EXTL3: variants seen among roughly 807,000 people sequenced by gnomAD.
EXTL3 encodes the protein exostosin like glycosyltransferase 3.
EXTL3 carries 27 observed loss-of-function variants against 69.3 expected under a neutral mutation model. That is an observed-to-expected ratio of 0.39 (90% CI 0.29 to 0.54). The LOEUF (loss-of-function observed/expected upper bound fraction) is 0.54, where lower values mean the gene tolerates loss of function less well. Among genes scored for constraint, EXTL3 ranks in the 20% least tolerant of loss-of-function variants. EXTL3 has a pLI of 0.69. For missense variants in EXTL3, 1,003 were observed against 1,231.8 expected (o/e 0.81, Z 2.78); for synonymous variants, 511 against 499.4 (o/e 1.02, Z -0.31).
At chr8:28,638,653 C>T (rs539021179) in intron 1 of EXTL3, among the ~76,000 whole-genome samples, 10 of 152,222 alleles carry the variant, frequency 6.6e-5, no homozygotes, top group South Asian at 2.1e-4. Flanking sequence ...TTTTTTGAGA[C>T]GGAGTTTTGC....
intron 1 of EXTL3, among the ~76,000 whole-genome samples, chr8:28,634,841 C>T (rs352413): frequency 0.3 from 44,960 of 151,940 alleles, 7,858 homozygotes; most frequent in East Asian, 0.38. Flanking sequence ...GTGATCCGCT[C>T]GCTTCGGCCT....
chr8:28,717,522 C>T lies in EXTL3; in HGVS notation c.1463C>T (p.Pro488Leu). 1 of 1,614,262 alleles carries T rather than the reference C, an allele frequency of 6.2e-7. No homozygotes were observed. The highest frequency in any genetic ancestry group is 8.5e-7 in the Non-Finnish European group (1 of 1,180,046). The change falls in exon 3 of 7, where the codon CCT becomes CTT. Residue 488 changes from proline (P) to leucine (L), a missense_variant. Pro to Leu is a moderately conservative substitution (Grantham distance 98). Coordinates refer to ENST00000220562, the MANE Select transcript of EXTL3 (RefSeq NM_001440.4). The surrounding 1 kb of genome is among the most constrained non-coding windows in gnomAD (Gnocchi z 8.3). ...WNEAALVVPK[P>L]RVTEVHFLLR... is the part of the protein sequence containing the mutation. ...GAGGCGGCCCTGGTGGTGCCAAAGC[C>T]TCGTGTTACCGAGGTTCATTTCCTG... is the stretch of plus-strand genomic sequence containing the variant.
chr8:28,742,832 G>A, intron 5 of EXTL3: 1 of 473,486 alleles, frequency 2.1e-6, no homozygotes, highest in African/African-American at 2.0e-5. Flanking sequence ...CAAAATCACT[G>A]CGGTACCAGG....
Position 28,752,932 on chromosome 8 carries a change from A to G in EXTL3, c.*2066A>G, listed in dbSNP as rs1802040305. ...CCGTCTGTGTGGTGGGACCCCCTTT[A>G]GCGGGACTCAGTGAGCTGGGGCCGT... On this transcript the variant is annotated 3_prime_UTR_variant, in exon 7 of 7. Coordinates refer to ENST00000220562, the MANE Select transcript of EXTL3 (RefSeq NM_001440.4). 1 of 152,658 alleles carries G rather than the reference A, an allele frequency of 6.6e-6. No individual in the cohort carries two copies. Among genetic ancestry groups the G allele is most frequent in the Admixed American group, 6.6e-5 (1 of 15,266 alleles). The allele number at this position is 152,658 out of a possible 1,614,324, so 9.5% of individuals were successfully genotyped here.
chr8:28,618,556 G>C (rs867010331), upstream of EXTL3, among the ~76,000 whole-genome samples: 1 of 152,128 alleles, frequency 6.6e-6, no homozygotes, highest in African/African-American at 2.4e-5. Context: ...CCTCACGTCC[G>C]GCACGAAAGA....
chr8:28,648,286 AT>A (rs1042331221), intron 1 of EXTL3, among the ~76,000 whole-genome samples: 1 of 151,478 alleles, frequency 6.6e-6, no homozygotes, highest in Non-Finnish European at 1.5e-5. Context: ...GTAATTTTGG[AT>A]TTTTTTTCCT....
chr8:28,639,917 A>G (rs1806716765), intron 1 of EXTL3, among the ~76,000 whole-genome samples: 1 of 152,208 alleles, frequency 6.6e-6, no homozygotes, highest in South Asian at 2.1e-4. Flanking sequence ...AGCCCAGCCA[A>G]CATGGCAAAA....
chr8:28,608,496 A>G (rs1426912397), intron 2 of EXTL3, among the ~76,000 whole-genome samples: 1 of 152,168 alleles, frequency 6.6e-6, no homozygotes, highest in Admixed American at 6.5e-5. Flanking sequence ...GATACAGTTA[A>G]CAAGATACAT....
chr8:28,626,256 A>G (rs1338182827), intron 1 of EXTL3, among the ~76,000 whole-genome samples: 2 of 152,088 alleles, frequency 1.3e-5, no homozygotes, highest in African/African-American at 2.4e-5. Context: ...GATATAGAAT[A>G]AGACTAAAGA....
intron 3 of EXTL3, among the ~76,000 whole-genome samples, chr8:28,719,652 G>A (rs1055509472): frequency 1.3e-5 from 2 of 152,034 alleles, no homozygotes; most frequent in African/African-American, 4.8e-5. Context: ...TTTGTAAATA[G>A]GGAATTTTTT....
At chr8:28,665,628 A>G (rs1441448986) in intron 1 of EXTL3, among the ~76,000 whole-genome samples, 1 of 151,858 alleles carries the variant, frequency 6.6e-6, no homozygotes, top group African/African-American at 2.4e-5. Context: ...CCCATGGCTC[A>G]AACTCCTGGG....
intron 1 of EXTL3, among the ~76,000 whole-genome samples, chr8:28,692,018 A>C (rs561013356): frequency 3.3e-5 from 5 of 152,220 alleles, no homozygotes; most frequent in African/African-American, 1.2e-4. Flanking sequence ...TGCTTTTAAA[A>C]AGCTTTCATA....
chr8:28,736,762 T>C (rs1253336924), intron 4 of EXTL3, among the ~76,000 whole-genome samples: 2 of 152,230 alleles, frequency 1.3e-5, no homozygotes, highest in East Asian at 3.8e-4. Flanking sequence ...TGAACTAATA[T>C]GTCATGCTTA....
At chr8:28,665,328 G>A (rs1015181027) in intron 1 of EXTL3, among the ~76,000 whole-genome samples, 15 of 151,568 alleles carry the variant, frequency 9.9e-5, no homozygotes, top group African/African-American at 3.6e-4. Context: ...ACCCACCTAG[G>A]CGTCCCAAAG....
At chr8:28,636,818 C>A (rs930148111) in intron 1 of EXTL3, among the ~76,000 whole-genome samples, 3 of 152,162 alleles carry the variant, frequency 2.0e-5, no homozygotes, top group African/African-American at 7.2e-5. Flanking sequence ...CGAGACCAGC[C>A]TGGCCAACAT....
chr8:28,736,114 C>G (rs1801647521), intron 4 of EXTL3, among the ~76,000 whole-genome samples: 1 of 152,094 alleles, frequency 6.6e-6, no homozygotes, highest in South Asian at 2.1e-4. Flanking sequence ...CGTAATGCCA[C>G]TGAACCATAC....
At position 28,751,943 on chromosome 8, in the gene EXTL3, GGCC is replaced by G. The variant is rs1365829863; in HGVS notation, c.*1079_*1081del. 1 of 152,424 alleles carries G rather than the reference GGCC, an allele frequency of 6.6e-6. No homozygotes were observed. Among genetic ancestry groups the G allele is most frequent in the Non-Finnish European group, 1.5e-5 (1 of 68,220 alleles). 9.4% of individuals were successfully genotyped at this position (152,424 alleles called of 1,614,324 possible). A position where few individuals can be genotyped will look rare whatever the true frequency, so the allele number is the denominator to read the frequency against. On this transcript the variant is annotated 3_prime_UTR_variant, in exon 7 of 7. Coordinates refer to ENST00000220562, the MANE Select transcript of EXTL3 (RefSeq NM_001440.4). ...TGTCCTTCGAGGAACCCACCCGGCT[GGCC>G]GGGAAGTTTTACAGCAAGGCGCCTG...
chr8:28,675,001 T>C (rs1270362229), intron 1 of EXTL3, among the ~76,000 whole-genome samples: 1 of 152,124 alleles, frequency 6.6e-6, no homozygotes, highest in Admixed American at 6.5e-5. Context: ...CCCCTGAAGA[T>C]GAGGTACACT....
chr8:28,655,506 T>C (rs1806995362), intron 1 of EXTL3, among the ~76,000 whole-genome samples: 1 of 151,252 alleles, frequency 6.6e-6, no homozygotes, highest in Admixed American at 6.6e-5. Flanking sequence ...TTTTTTTTTT[T>C]TGAGACAGCG....
Sources: gnomAD v4.1 joint callset for allele counts (sites outside exome capture counted in the v4.1 genomes callset) on GRCh38, gnomAD v4.1.1 for gene constraint, Gnocchi (gnomAD v3.1) non-coding constraint, MANE v1.5 for transcripts, NCBI Gene and HGNC (gene_info 2026-07-23, HGNC 2026-07-21) for gene names.